PPP2R5B: variants seen among roughly 807,000 people sequenced by gnomAD.
The protein encoded by PPP2R5B is serine/threonine-protein phosphatase 2A 56 kDa regulatory subunit beta isoform.
Under a neutral mutation model 59.9 loss-of-function variants are expected in PPP2R5B, and 19 were observed. The ratio of observed to expected loss-of-function variants is 0.32; its 90% confidence interval spans 0.22 to 0.47. The LOEUF (loss-of-function observed/expected upper bound fraction) is 0.47. Among genes scored for constraint, PPP2R5B ranks in the 20% least tolerant of loss-of-function variants. The pLI is 1.00. For synonymous variants in PPP2R5B, 286 were observed against 260.5 expected (o/e 1.10, Z -0.94); for missense variants, 441 against 640.2 (o/e 0.69, Z 3.36).
At chr11:64,923,934 T>G (rs956100101), upstream of PPP2R5B, among the ~76,000 whole-genome samples, 2 of 152,122 alleles carry the variant, frequency 1.3e-5, no homozygotes, top group Non-Finnish European at 2.9e-5. Context: ...ACCTGTGCCT[T>G]GCATGCCAGC....
In PPP2R5B at chr11:64,926,904, G is replaced by T. The variant is rs751323043; in HGVS notation, c.392G>T (p.Arg131Leu). ...GAGCCCGTCTACCCAGACATCATCC[G>T]CATGGTGAGCACCTGCCACCCAGGC... ...LIEPVYPDII[R>L]MISVNIFRTL... The change falls in exon 3 of 14, where the codon CGC (arginine) becomes CTC (leucine). Residue 131 changes from arginine to leucine, a missense_variant. Arg to Leu is a moderately radical substitution (Grantham distance 102). Transcript: ENST00000164133. 5 of 1,613,200 alleles carry T rather than the reference G, an allele frequency of 3.1e-6. No homozygotes were observed. The highest frequency in any genetic ancestry group is 4.5e-5 in the East Asian group (2 of 44,878).
rs1164607685 is a variant in PPP2R5B, at chr11:64,933,759, G to A, written c.1409G>A (p.Arg470His). ...CAAGGTCTGGAGGAGCTGCGGCTAC[G>A]CCGGCTACAGGGGACCCAGGGGGCC... Reference protein sequence around the residue: ...LWQGLEELRLRRLQGTQGAKE... With the variant: ...LWQGLEELRLHRLQGTQGAKE... The change falls in exon 14 of 14, where the codon CGC becomes CAC. Residue 470 changes from arginine (R) to histidine (H), a missense_variant. Around this residue, in one of 3 missense-constraint regions of PPP2R5B, gnomAD observed 70 missense variants for 64.2 expected, o/e 1.09. Coordinates refer to ENST00000164133, the MANE Select transcript of PPP2R5B (RefSeq NM_006244.4). 1.1e-5 allele frequency: 17 copies of A among 1,556,078 alleles called. No homozygotes were observed. The highest frequency in any genetic ancestry group is 1.4e-5 in the African/African-American group (1 of 73,416).
At position 64,930,680 on chromosome 11, in the gene PPP2R5B, A is replaced by G. The variant is rs1182270617; in HGVS notation, c.891+91A>G. 5 of 1,064,156 alleles carry G rather than the reference A, an allele frequency of 4.7e-6. No homozygotes were observed. The South Asian group carries it at 5.2e-5, about 11-fold the overall frequency. The allele number at this position is 1,064,156 out of a possible 1,614,324, so 65.9% of individuals were successfully genotyped here. A position where few individuals can be genotyped will look rare whatever the true frequency, so the allele number is the denominator to read the frequency against. ...GGAGGTCAGATCCTCCAGGGATCCT[A>G]TCTCACCTTCTTTGTCTTTATAATT... On this transcript the variant is annotated intron_variant, in intron 8 of 13. Transcript: ENST00000164133.
chr11:64,929,116 T>C (rs1194607301), intron 6 of PPP2R5B, among the ~76,000 whole-genome samples: 1 of 152,164 alleles, frequency 6.6e-6, no homozygotes, highest in Non-Finnish European at 1.5e-5. Flanking sequence ...TGACAGAGAA[T>C]GGGTATTTAT....
chr11:64,933,760 C>G lies in PPP2R5B; in HGVS notation c.1410C>G (p.Arg470=), dbSNP rs1388170474. ...LWQGLEELRL[R]RLQGTQGAKE... Reference sequence around the variant, plus strand: ...AAGGTCTGGAGGAGCTGCGGCTACGCCGGCTACAGGGGACCCAGGGGGCCA... The same window carrying G: ...AAGGTCTGGAGGAGCTGCGGCTACGGCGGCTACAGGGGACCCAGGGGGCCA... Residue 470 remains arginine (R), a synonymous_variant, in exon 14 of 14, where the codon CGC becomes CGG. Coordinates refer to ENST00000164133, the MANE Select transcript of PPP2R5B (RefSeq NM_006244.4). 25 of 1,556,042 alleles carry G rather than the reference C, an allele frequency of 1.6e-5. No individual in the cohort carries two copies. The highest frequency in any genetic ancestry group is 2.2e-5 in the Non-Finnish European group (25 of 1,149,586).
At position 64,928,352 on chromosome 11, in the gene PPP2R5B, C is replaced by G. The variant is rs774467612; in HGVS notation, c.649C>G (p.Leu217Val). The stretch of plus-strand genomic sequence containing the variant: ...GGAGCGTGAGTACCTCAAGACCATC[C>G]TGCACCGGGTCTATGGCAAGTTCCT... ...PREREYLKTI[L>V]HRVYGKFLGL... The change falls in exon 6 of 14, where the codon CTG becomes GTG. Residue 217 changes from leucine (L) to valine (V), a missense_variant. Around this residue, in one of 3 missense-constraint regions of PPP2R5B, gnomAD observed 268 missense variants for 488.1 expected, o/e 0.55. Transcript: ENST00000164133. 3.7e-6 allele frequency: 6 copies of G among 1,614,124 alleles called. No individual in the cohort carries two copies. The African/African-American group carries it at 6.7e-5, about 18-fold the overall frequency.
chr11:64,918,010 G>A (rs628595), intron 1 of PPP2R5B, among the ~76,000 whole-genome samples: 137,278 of 152,250 alleles, frequency 0.9, 62,364 homozygotes, highest in East Asian at 1. Context: ...GTTTTTGTAC[G>A]GCCTTTGAGC....
chr11:64,927,847 G>C lies in PPP2R5B; in HGVS notation c.442G>C (p.Glu148Gln). 6.2e-7 allele frequency: 1 copy of C among 1,613,218 alleles called. No individual in the cohort carries two copies. Among genetic ancestry groups the C allele is most frequent in the Non-Finnish European group, 8.5e-7 (1 of 1,179,218 alleles). ...GACTCTGCCGCCCAGTGAGAACCCT[G>C]AATTTGACCCTGAAGAGGATGAGCC... The part of the protein sequence containing the change: ...FRTLPPSENP[E>Q]FDPEEDEPNL... Residue 148 changes from glutamate to glutamine, a missense_variant, in exon 4 of 14, where the codon GAA (glutamate) becomes CAA (glutamine). Physicochemically the swap from Glu to Gln is conservative, Grantham distance 29. Coordinates refer to ENST00000164133, the MANE Select transcript of PPP2R5B (RefSeq NM_006244.4).
rs1307591504 is a variant in PPP2R5B, at chr11:64,926,818, G to A, written c.306G>A (p.Val102=). ...DCVADLKGKE[V]KRAALNELVE... ...TGGCCGACCTCAAGGGGAAGGAGGT[G>A]AAGCGGGCAGCCCTCAACGAGCTGG... The change falls in exon 3 of 14, where the codon GTG becomes GTA. Residue 102 remains valine, a synonymous_variant. Coordinates refer to ENST00000164133, the MANE Select transcript of PPP2R5B (RefSeq NM_006244.4). The A allele has an allele frequency of 6.2e-7, 1 of 1,614,090 alleles. No individual in the cohort carries two copies. Among genetic ancestry groups the A allele is most frequent in the Non-Finnish European group, 8.5e-7 (1 of 1,180,036 alleles).
intron 1 of PPP2R5B, among the ~76,000 whole-genome samples, chr11:64,917,941 C>T (rs930799659): frequency 6.6e-6 from 1 of 152,198 alleles, no homozygotes; most frequent in Non-Finnish European, 1.5e-5. Flanking sequence ...AATAGCTTTT[C>T]ATATCTCTAG....
At chr11:64,928,619 A>G (rs564691246) in intron 6 of PPP2R5B, among the ~76,000 whole-genome samples, 194 bp downstream of exon 6, 11 of 152,388 alleles carry the variant, frequency 7.2e-5, no homozygotes, top group African/African-American at 2.6e-4. Context: ...TCTAATAAAA[A>G]TACAAACATT....
At chr11:64,917,904 A>G (rs542024022) in intron 1 of PPP2R5B, among the ~76,000 whole-genome samples, 5 of 152,226 alleles carry the variant, frequency 3.3e-5, no homozygotes, top group Admixed American at 6.5e-5. Flanking sequence ...GCCGTCGGTC[A>G]GGCCTTAGGC....
In PPP2R5B at chr11:64,928,339, C is replaced by T. The variant is rs1350367286; in HGVS notation, c.636C>T (p.Tyr212=). ...GTGAGGATCCCCGGGAGCGTGAGTA[C>T]CTCAAGACCATCCTGCACCGGGTCT... ...FDSEDPRERE[Y]LKTILHRVYG... The change falls in exon 6 of 14, where the codon TAC becomes TAT. Residue 212 remains tyrosine, a synonymous_variant. Coordinates refer to ENST00000164133, the MANE Select transcript of PPP2R5B (RefSeq NM_006244.4). 5.0e-6 allele frequency: 8 copies of T among 1,614,218 alleles called. No homozygotes were observed. The highest frequency in any genetic ancestry group is 1.7e-5 in the Admixed American group (1 of 60,026).
Position 64,931,705 on chromosome 11 carries a change from A to G in PPP2R5B, c.997-44A>G. ...GTGTGTATGTGTAGGGGGAGATGTG[A>G]GCTGCTGCCCCTCTGTCCCTACTCC... On this transcript the variant is annotated intron_variant, in intron 10 of 13. Transcript: ENST00000164133. The surrounding 1 kb of genome is among the most constrained non-coding windows in gnomAD (Gnocchi z 5.0). 6.2e-7 allele frequency: 1 copy of G among 1,613,914 alleles called. No individual in the cohort carries two copies. The highest frequency in any genetic ancestry group is 1.7e-4 in the Middle Eastern group (1 of 6,060).
At chr11:64,923,817 G>A (rs2136675469), upstream of PPP2R5B, among the ~76,000 whole-genome samples, 1 of 152,272 alleles carries the variant, frequency 6.6e-6, no homozygotes, top group African/African-American at 2.4e-5. Flanking sequence ...AGTGTAGCGG[G>A]ATGGAGTTCA....
upstream of PPP2R5B, among the ~76,000 whole-genome samples, chr11:64,922,214 A>G (rs560692575): frequency 2.6e-4 from 39 of 152,100 alleles, no homozygotes; most frequent in African/African-American, 9.2e-4. Context: ...GCCGGGTGCA[A>G]TGGCTCACTC....
upstream of PPP2R5B, chr11:64,924,500 C>CA (rs5792341): frequency 0.43 from 65,759 of 152,416 alleles, 17,793 homozygotes; most frequent in Non-Finnish European, 0.62. Context: ...GAGCCCATCC[C>CA]ACTCTGCTCT....
intron 1 of PPP2R5B, among the ~76,000 whole-genome samples, chr11:64,919,311 C>T (rs1417598858): frequency 4.0e-5 from 6 of 151,116 alleles, no homozygotes; most frequent in Non-Finnish European, 7.4e-5. Context: ...CCACTGCACT[C>T]CAGCCTGGCT....
At chr11:64,918,551 G>T (rs921922126) in intron 1 of PPP2R5B, among the ~76,000 whole-genome samples, 1 of 152,074 alleles carries the variant, frequency 6.6e-6, no homozygotes, top group African/African-American at 2.4e-5. Flanking sequence ...GGCTGGTCTC[G>T]AACTCCTGAC....
Sources: gnomAD v4.1 joint callset for allele counts (sites outside exome capture counted in the v4.1 genomes callset) on GRCh38, gnomAD v4.1.1 for gene constraint, gnomAD v4.1.1 regional missense constraint, Gnocchi (gnomAD v3.1) non-coding constraint, MANE v1.5 for transcripts, NCBI Gene and HGNC (gene_info 2026-07-23, HGNC 2026-07-21) for gene names.